Variants in DIP2C observed in about 807,000 individuals in gnomAD.
DIP2C encodes the protein DIP2 acetate--CoA ligase C (putative), also known as disco-interacting protein 2 homolog C.
A neutral mutation model predicts 192.4 loss-of-function variants in DIP2C; 33 were observed. The observed-to-expected ratio is 0.17, with a 90% CI of 0.13 to 0.23. DIP2C has a LOEUF of 0.23. Among genes scored for constraint, DIP2C ranks in the 10% least tolerant of loss-of-function variants. The pLI, the probability that DIP2C is intolerant of heterozygous loss-of-function variation, is 1.00. For synonymous variants in DIP2C, 979 were observed against 864.1 expected, an observed-to-expected ratio of 1.13 and a Z score of -2.33; for missense variants, 1,537 against 2,110.1, an observed-to-expected ratio of 0.73 and a Z score of 5.32.
chr10:492,541 ATTAT>A lies in DIP2C; in HGVS notation c.86-6015_86-6012del, dbSNP rs553571368. Among the ~76,000 whole-genome samples the A allele has an allele frequency of 2.2e-3, 338 of 152,332 alleles. 1 individual carries two copies. The highest frequency in any genetic ancestry group is 7.5e-3 in the African/African-American group (312 of 41,570). ...CTGAGCTTTTTGCTTAATAAAAAAC[ATTAT>A]TTATTGTTATTTAGTGCCTAGCGCC... On this transcript the variant is annotated intron_variant, in intron 1 of 36. Coordinates refer to ENST00000280886, the MANE Select transcript of DIP2C (RefSeq NM_014974.3).
chr10:592,871 C>T (rs1397250992), intron 1 of DIP2C, among the ~76,000 whole-genome samples: 2 of 151,428 alleles, frequency 1.3e-5, no homozygotes, highest in East Asian at 1.9e-4. Context: ...GCAGGTATGA[C>T]ACTGCAAGGC....
chr10:454,721 T>C (rs1450674715), intron 3 of DIP2C, among the ~76,000 whole-genome samples: 1 of 151,884 alleles, frequency 6.6e-6, no homozygotes. Flanking sequence ...TCAGCACCCC[T>C]CAGAGAAAGA....
chr10:603,791 TC>T (rs1214388201), intron 1 of DIP2C, among the ~76,000 whole-genome samples: 2 of 152,180 alleles, frequency 1.3e-5, no homozygotes, highest in Admixed American at 6.5e-5. Flanking sequence ...GCCCTGAAAG[TC>T]AGGAGTCCCA....
At chr10:488,803 G>GT (rs1308245320) in intron 1 of DIP2C, among the ~76,000 whole-genome samples, 1 of 152,220 alleles carries the variant, frequency 6.6e-6, no homozygotes, top group Non-Finnish European at 1.5e-5. Flanking sequence ...CACATGCACA[G>GT]TTATCCTTAA....
chr10:531,891 C>G (rs1847391147), intron 1 of DIP2C, among the ~76,000 whole-genome samples: 1 of 152,348 alleles, frequency 6.6e-6, no homozygotes, highest in South Asian at 2.1e-4. Flanking sequence ...TCCAGCACAA[C>G]TACCATATTC....
chr10:515,797 C>G (rs58261865), intron 1 of DIP2C, among the ~76,000 whole-genome samples: 16 of 152,106 alleles, frequency 1.1e-4, no homozygotes, highest in African/African-American at 3.4e-4. Context: ...CCCAAGCAAT[C>G]ACACGGCAAT....
At chr10:447,897 G>C (rs1968415183) in intron 3 of DIP2C, among the ~76,000 whole-genome samples, 1 of 119,134 alleles carries the variant, frequency 8.4e-6, no homozygotes, top group Non-Finnish European at 1.6e-5. Context: ...ACACACAGTG[G>C]GGCAGCAGGA....
chr10:462,926 T>TCC (rs1038052224), intron 3 of DIP2C, among the ~76,000 whole-genome samples: 1 of 152,126 alleles, frequency 6.6e-6, no homozygotes, highest in African/African-American at 2.4e-5. Flanking sequence ...CACATGATTA[T>TCC]CCCAATAGAT....
chr10:606,996 T>G (rs1397189361), intron 1 of DIP2C, among the ~76,000 whole-genome samples: 1 of 152,160 alleles, frequency 6.6e-6, no homozygotes, highest in African/African-American at 2.4e-5. Context: ...GTGGCAGAAA[T>G]GCTGCGTGGC....
chr10:349,228 T>C, intron 25 of DIP2C, 103 bp downstream of exon 25: 2 of 1,484,556 alleles, frequency 1.3e-6, no homozygotes, highest in South Asian at 1.3e-5. Context: ...CTCCCAGCCA[T>C]GACGCGACCC....
chr10:405,346 A>T (rs139118777), intron 9 of DIP2C, among the ~76,000 whole-genome samples: 208 of 152,370 alleles, frequency 1.4e-3, no homozygotes, highest in African/African-American at 4.4e-3. Context: ...AAAATTTCAT[A>T]TTATAGACCA....
At chr10:396,834 G>GGA (rs1554842480) in intron 10 of DIP2C, among the ~76,000 whole-genome samples, 1 of 62,788 alleles carries the variant, frequency 1.6e-5, no homozygotes, top group East Asian at 4.7e-4. Flanking sequence ...GGTGGGGGGG[G>GGA]GGGAAACTGG....
chr10:462,269 T>C (rs1056016976), intron 3 of DIP2C, among the ~76,000 whole-genome samples: 1 of 151,752 alleles, frequency 6.6e-6, no homozygotes, highest in Non-Finnish European at 1.5e-5. Flanking sequence ...ATCAACAAAA[T>C]AGATAGACCA....
Position 347,988 on chromosome 10 carries a change from C to T in DIP2C, c.3231+653G>A, listed in dbSNP as rs529212592. ...TGGAAACGTCACACACACCCAGATG[C>T]GTCGCGCATAGCTCTCCCGGAAACC... On this transcript the variant is annotated intron_variant, in intron 26 of 36. Coordinates refer to ENST00000280886, the MANE Select transcript of DIP2C (RefSeq NM_014974.3). Among the ~76,000 whole-genome samples the T allele has an allele frequency of 1.8e-4, 26 of 140,932 alleles. No homozygotes were observed. In the South Asian group the frequency reaches 4.1e-3, roughly 22 times the overall value. The allele number at this position is 140,932 out of a possible 152,430, so 92.5% of individuals were successfully genotyped here.
intron 29 of DIP2C, among the ~76,000 whole-genome samples, chr10:330,614 G>C (rs1194616950): frequency 1.3e-5 from 2 of 151,270 alleles, no homozygotes; most frequent in Non-Finnish European, 2.9e-5. Flanking sequence ...TGCCTCTCCT[G>C]AGTCAGTAGG....
In DIP2C at chr10:548,210, C is replaced by CA. The variant is rs1554897785; in HGVS notation, c.86-61681_86-61680insT. Reference sequence around the variant, plus strand: ...TCCAATTCACACGAGTCTGCCCCACCCCCCCCCCCACAGGAAAGCCCTGGT... The same window carrying CA: ...TCCAATTCACACGAGTCTGCCCCACCACCCCCCCCCACAGGAAAGCCCTGGT... On this transcript the variant is annotated intron_variant, in intron 1 of 36. Transcript: ENST00000280886. Among the ~76,000 whole-genome samples the CA allele has an allele frequency of 2.1e-4, 22 of 103,614 alleles. 2 individuals are homozygous for CA. Among genetic ancestry groups the CA allele is most frequent in the Middle Eastern group, 4.3e-3 (1 of 234 alleles). 68.0% of individuals were successfully genotyped at this position (103,614 alleles called of 152,430 possible).
intron 4 of DIP2C, chr10:430,199 T>C (rs779864253): frequency 9.9e-5 from 15 of 152,248 alleles, no homozygotes; most frequent in Non-Finnish European, 2.2e-4. Flanking sequence ...AGATGAGCCA[T>C]CTGTTAGTCT....
chr10:592,948 A>T (rs1851488100), intron 1 of DIP2C, among the ~76,000 whole-genome samples: 1 of 152,198 alleles, frequency 6.6e-6, no homozygotes, highest in Non-Finnish European at 1.5e-5. Flanking sequence ...ACACGAGGTC[A>T]CTGTTATTTG....
intron 10 of DIP2C, among the ~76,000 whole-genome samples, chr10:393,684 CAGG>C (rs1306468754): frequency 2.3e-4 from 33 of 143,884 alleles, no homozygotes; most frequent in South Asian, 1.3e-3. Flanking sequence ...GAGGCTGAGG[CAGG>C]AGAATAGCTT....
Sources: allele counts gnomAD v4.1 joint callset (sites outside exome capture counted in the v4.1 genomes callset), GRCh38; gene constraint gnomAD v4.1.1; transcripts MANE v1.5; gene names NCBI Gene and HGNC (gene_info 2026-07-23, HGNC 2026-07-21).